The following CEP126 variants were observed in gnomAD, a reference collection of about 807,000 sequenced individuals.
CEP126 encodes the protein centrosomal protein 126.
Under a neutral mutation model 107.8 loss-of-function variants are expected in CEP126, and 74 were observed. The ratio of observed to expected loss-of-function variants is 0.69; its 90% CI spans 0.57 to 0.83. CEP126 has a LOEUF of 0.83. CEP126 is among the 40% of genes least tolerant of loss of function. The probability of loss-of-function intolerance (pLI) is 0.00; values close to 1 mark genes in which losing one functional copy is unlikely to be tolerated. For missense variants in CEP126, 1,237 were observed against 1,281.9 expected (o/e 0.96, Z 0.53); for synonymous variants, 449 against 446.0 (o/e 1.01, Z -0.08).
chr11:101,992,826 A>C lies in CEP126; in HGVS notation c.3293A>C (p.Gln1098Pro), dbSNP rs550246193. The C allele has an allele frequency of 3.2e-6, 5 of 1,540,784 alleles. No individual in the cohort carries two copies. In the East Asian group the frequency reaches 1.2e-4, roughly 37 times the overall value. Residue 1098 changes from glutamine to proline, a missense_variant, in exon 10 of 11, where the codon CAA becomes CCA. This residue lies in a region of CEP126 where 99 missense variants were observed against 114.4 expected (regional missense o/e 0.87). Coordinates refer to ENST00000263468, the MANE Select transcript of CEP126 (RefSeq NM_020802.4). ...CKNPSIKNTLQIIPLLEKRED... is the reference protein window; with the variant it reads ...CKNPSIKNTLPIIPLLEKRED... ...AACCCATCCATCAAAAATACTTTACAAATAATACCACTTCTGGTAAGTATT... is the reference window on the plus strand; with the variant it reads ...AACCCATCCATCAAAAATACTTTACCAATAATACCACTTCTGGTAAGTATT...
At chr11:101,990,622 A>ACAC (rs1941367867) in intron 9 of CEP126, among the ~76,000 whole-genome samples, 1 of 152,172 alleles carries the variant, frequency 6.6e-6, no homozygotes, top group Admixed American at 6.5e-5. Flanking sequence ...GGGTCTGCTT[A>ACAC]AGACTGAGCC....
At chr11:101,970,699 A>C (rs1053140985) in intron 6 of CEP126, among the ~76,000 whole-genome samples, 10 of 152,216 alleles carry the variant, frequency 6.6e-5, no homozygotes, top group Non-Finnish European at 1.5e-4. Flanking sequence ...TTTCTTTTAA[A>C]CTGTCCCATT....
intron 1 of CEP126, among the ~76,000 whole-genome samples, chr11:101,919,016 A>T (rs1260108733): frequency 6.6e-6 from 1 of 152,206 alleles, no homozygotes; most frequent in Non-Finnish European, 1.5e-5. Flanking sequence ...AACAAACTAT[A>T]TTATAGAATG....
chr11:101,916,685 TG>T (rs1442822807), intron 1 of CEP126, among the ~76,000 whole-genome samples: 1 of 152,216 alleles, frequency 6.6e-6, no homozygotes, highest in African/African-American at 2.4e-5. Flanking sequence ...TACACGACCC[TG>T]ATTTATCTCT....
chr11:101,992,979 C>A, intron 10 of CEP126, 137 bp downstream of exon 10: 1 of 800,908 alleles, frequency 1.2e-6, no homozygotes, highest in Non-Finnish European at 1.7e-6. Context: ...CCTCAACTGG[C>A]TTTTTATTAT....
At chr11:101,972,861 A>G (rs1424678934) in intron 6 of CEP126, among the ~76,000 whole-genome samples, 1 of 152,186 alleles carries the variant, frequency 6.6e-6, no homozygotes, top group Admixed American at 6.5e-5. Flanking sequence ...CCACGTATGA[A>G]TGTATTGCAA....
At chr11:101,994,875 T>G (rs1941424457) in intron 10 of CEP126, among the ~76,000 whole-genome samples, 2 of 151,392 alleles carry the variant, frequency 1.3e-5, no homozygotes, top group Admixed American at 1.3e-4. Context: ...CTTGAGAGTT[T>G]TTTTTTTTTT....
intron 2 of CEP126, among the ~76,000 whole-genome samples, chr11:101,924,753 T>G (rs11225067): frequency 0.056 from 8,519 of 151,996 alleles, 460 homozygotes; most frequent in East Asian, 0.26. Flanking sequence ...TAGGTGGTTT[T>G]GGGTTTTTTT....
chr11:101,968,818 T>C (rs1941090459), intron 6 of CEP126, among the ~76,000 whole-genome samples: 1 of 152,178 alleles, frequency 6.6e-6, no homozygotes, highest in Non-Finnish European at 1.5e-5. Flanking sequence ...AAGAACTTAG[T>C]GTTGTCTGTT....
At chr11:101,986,480 A>G (rs990385484) in intron 8 of CEP126, among the ~76,000 whole-genome samples, 18 of 152,174 alleles carry the variant, frequency 1.2e-4, no homozygotes. Flanking sequence ...CATTATAACT[A>G]CTATTATAAA....
intron 2 of CEP126, among the ~76,000 whole-genome samples, chr11:101,942,280 C>A (rs1940675940): frequency 6.6e-6 from 1 of 151,980 alleles, no homozygotes; most frequent in Non-Finnish European, 1.5e-5. Context: ...ATATTTGATC[C>A]ACTTTGGGGT....
At chr11:101,951,911 C>G (rs940685935) in intron 4 of CEP126, among the ~76,000 whole-genome samples, 29 of 152,308 alleles carry the variant, frequency 1.9e-4, no homozygotes, top group African/African-American at 7.0e-4. Flanking sequence ...TTTGTCCCCA[C>G]AACCAGATTG....
Position 101,998,076 on chromosome 11 carries a change from A to G in CEP126, c.*433A>G, listed in dbSNP as rs1473961802. The G allele has an allele frequency of 2.2e-5, 3 of 134,752 alleles. No individual in the cohort carries two copies. The highest frequency in any genetic ancestry group is 3.8e-3 in the Middle Eastern group (1 of 264). The allele number at this position is 134,752 out of a possible 1,614,324, so 8.3% of individuals were successfully genotyped here. A position where few individuals can be genotyped will look rare whatever the true frequency, so the allele number is the denominator to read the frequency against. ...CTTACTGATAAGATGTTTATGAAGT[A>G]TGGCATATTTTGATTTTTTTAATTG... On this transcript the variant is annotated 3_prime_UTR_variant, in exon 11 of 11. Transcript: ENST00000263468.
chr11:101,946,299 C>T (rs1277754104), intron 3 of CEP126, among the ~76,000 whole-genome samples: 1 of 150,736 alleles, frequency 6.6e-6, no homozygotes, highest in Non-Finnish European at 1.5e-5. Context: ...TAAGAGCTGA[C>T]GAGTTCAAGA....
chr11:101,974,117 T>C (rs539831538), intron 6 of CEP126, among the ~76,000 whole-genome samples: 52 of 151,970 alleles, frequency 3.4e-4, no homozygotes, highest in Non-Finnish European at 3.8e-4. Flanking sequence ...CAGATACCTG[T>C]TTTGATAACT....
In CEP126 at chr11:101,962,455, C is replaced by G. The variant is rs144663028; in HGVS notation, c.1420C>G (p.Pro474Ala). ...VLPSNIQSAR[P>A]SAKNSIHIKE... ...GCCATCTAATATACAGTCAGCTAGA[C>G]CTTCAGCAAAGAACAGTATACACAT... is the stretch of plus-strand genomic sequence containing the variant. Residue 474 changes from proline to alanine, a missense_variant, in exon 6 of 11, where the codon CCT becomes GCT. This residue lies in a region of CEP126 where 1,134 missense variants were observed against 1,150.5 expected (regional missense o/e 0.99). Transcript: ENST00000263468. 17 of 1,613,552 alleles carry G rather than the reference C, an allele frequency of 1.1e-5. No homozygotes were observed. Among genetic ancestry groups the G allele is most frequent in the Non-Finnish European group, 1.4e-5 (17 of 1,179,800 alleles).
chr11:101,921,442 C>T (rs1479798313), intron 1 of CEP126, among the ~76,000 whole-genome samples: 3 of 151,984 alleles, frequency 2.0e-5, no homozygotes, highest in Non-Finnish European at 2.9e-5. Flanking sequence ...CACGGTGGCT[C>T]ACGCCTGTAA....
At position 101,995,579 on chromosome 11, in the gene CEP126, C is replaced by T. The variant is rs187285361; in HGVS notation, c.3310-2020C>T. ...CCTGTCCTTTGTCCATCTGGGAGTTCGTGGGGAAGGGGATCAAAGTGTAGC... is the reference window on the plus strand; with the variant it reads ...CCTGTCCTTTGTCCATCTGGGAGTTTGTGGGGAAGGGGATCAAAGTGTAGC... On this transcript the variant is annotated intron_variant, in intron 10 of 10. Transcript: ENST00000263468. 5.5e-4 allele frequency among the ~76,000 whole-genome samples: 84 copies of T among 152,178 alleles called. 1 individual carries two copies. The East Asian group carries it at 8.9e-3, about 16-fold the overall frequency.
At chr11:101,920,605 CTTT>C (rs5794145) in intron 1 of CEP126, among the ~76,000 whole-genome samples, 5 of 141,480 alleles carry the variant, frequency 3.5e-5, no homozygotes, top group East Asian at 2.0e-4. Flanking sequence ...ATTCAATGAA[CTTT>C]TTTTTTTTTT....
Sources: gnomAD v4.1 joint callset for allele counts (sites outside exome capture counted in the v4.1 genomes callset) on GRCh38, gnomAD v4.1.1 for gene constraint, gnomAD v4.1.1 regional missense constraint, MANE v1.5 for transcripts, NCBI Gene and HGNC (gene_info 2026-07-23, HGNC 2026-07-21) for gene names.